Variants in GPHN observed in about 807,000 individuals in gnomAD.
GPHN encodes the protein gephyrin.
Under a neutral mutation model 95.5 loss-of-function variants are expected in GPHN, and 17 were observed. That is an observed-to-expected ratio of 0.18 (90% CI 0.12 to 0.27). GPHN has a LOEUF of 0.27. Ranked by LOEUF, GPHN falls within the 10% of genes least tolerant of loss-of-function variation. The pLI, the probability that GPHN is intolerant of heterozygous loss-of-function variation, is 1.00. For missense variants in GPHN, 660 were observed against 978.1 expected (o/e 0.67, Z 4.34); for synonymous variants, 320 against 322.5 (o/e 0.99, Z 0.08).
intron 1 of GPHN, among the ~76,000 whole-genome samples, chr14:66,536,349 GTGAATTACA>G (rs758495646): frequency 7.2e-5 from 11 of 152,110 alleles, no homozygotes; most frequent in Non-Finnish European, 1.3e-4. Flanking sequence ...CTGTGATGTG[GTGAATTACA>G]TTGATTGATT....
At chr14:67,167,509 G>C (rs190023780) in intron 20 of GPHN, among the ~76,000 whole-genome samples, 1 of 152,144 alleles carries the variant, frequency 6.6e-6, no homozygotes, top group South Asian at 2.1e-4. Flanking sequence ...AGTATCACTT[G>C]TCACTTTTTG....
chr14:67,227,114 A>G, the GPHN span, among the ~76,000 whole-genome samples: 3 of 152,358 alleles, frequency 2.0e-5, no homozygotes, highest in African/African-American at 4.8e-5. Flanking sequence ...ACAAAAAATT[A>G]TACCATACTT....
At chr14:66,680,339 C>T (rs1307713330) in intron 1 of GPHN, among the ~76,000 whole-genome samples, 10 of 152,286 alleles carry the variant, frequency 6.6e-5, no homozygotes, top group Admixed American at 2.0e-4. Context: ...AAATTTTATC[C>T]TCACAGTGGT....
intron 4 of GPHN, among the ~76,000 whole-genome samples, chr14:66,868,892 G>GA (rs1444392306): frequency 3.4e-5 from 5 of 148,878 alleles, no homozygotes; most frequent in Admixed American, 6.7e-5. Context: ...AAAGTATCAA[G>GA]AAAAAAAAAG....
At chr14:66,577,527 GT>G (rs2060956774) in intron 1 of GPHN, among the ~76,000 whole-genome samples, 1 of 152,090 alleles carries the variant, frequency 6.6e-6, no homozygotes, top group Non-Finnish European at 1.5e-5. Flanking sequence ...CCTTCTTCAA[GT>G]AACTGAAGAC....
intron 2 of GPHN, among the ~76,000 whole-genome samples, chr14:66,764,440 GT>G (rs1027926305): frequency 1.2e-4 from 18 of 147,240 alleles, no homozygotes; most frequent in South Asian, 2.2e-4. Flanking sequence ...TATATGGTAG[GT>G]TTTTTTTTTT....
chr14:67,700,118 G>T, the GPHN span, among the ~76,000 whole-genome samples: 1 of 151,008 alleles, frequency 6.6e-6, no homozygotes, highest in Admixed American at 6.6e-5. Context: ...GCAGCCTGGA[G>T]ACAGAGCGAG....
chr14:66,589,582 G>A (rs2061556388), intron 1 of GPHN, among the ~76,000 whole-genome samples: 1 of 150,998 alleles, frequency 6.6e-6, no homozygotes, highest in South Asian at 2.1e-4. Context: ...TTACAAAGAA[G>A]GGCTTTACCA....
intron 9 of GPHN, among the ~76,000 whole-genome samples, chr14:66,984,517 C>T (rs1405936163): frequency 6.6e-6 from 1 of 152,178 alleles, no homozygotes; most frequent in Non-Finnish European, 1.5e-5. Context: ...TAGCAATATG[C>T]TTTTATTCAA....
At chr14:67,436,259 G>A in the GPHN span, among the ~76,000 whole-genome samples, 61 of 152,332 alleles carry the variant, frequency 4.0e-4, 1 homozygote, top group Middle Eastern at 3.4e-3. Flanking sequence ...GCCAGTAGGC[G>A]CCTGTGTGGG....
intron 19 of GPHN, among the ~76,000 whole-genome samples, chr14:67,164,152 C>T (rs1161686112): frequency 6.6e-6 from 1 of 151,070 alleles, no homozygotes; most frequent in Non-Finnish European, 1.5e-5. Context: ...CCTGTAATCC[C>T]AGCTACTCGG....
chr14:67,387,698 G>T, the GPHN span, among the ~76,000 whole-genome samples: 7 of 152,170 alleles, frequency 4.6e-5, no homozygotes, highest in African/African-American at 1.7e-4. Context: ...AAGCCCTCTT[G>T]CCTGCTCCCT....
chr14:66,539,406 TTTC>T (rs1329012810), intron 1 of GPHN, among the ~76,000 whole-genome samples: 65 of 133,008 alleles, frequency 4.9e-4, no homozygotes, highest in Admixed American at 1.9e-3. Context: ...TGCTTTCTAC[TTTC>T]TTTTTTTTTT....
chr14:67,597,237 G>T, the GPHN span, among the ~76,000 whole-genome samples: 2 of 152,236 alleles, frequency 1.3e-5, no homozygotes, highest in Admixed American at 6.5e-5. Flanking sequence ...CAACACTTTG[G>T]GAGGCCAACA....
chr14:66,991,042 A>G (rs192695174), intron 9 of GPHN, among the ~76,000 whole-genome samples: 10 of 152,164 alleles, frequency 6.6e-5, no homozygotes, highest in Admixed American at 5.2e-4. Flanking sequence ...TCAACAATAT[A>G]AAATAGAATA....
intron 13 of GPHN, among the ~76,000 whole-genome samples, chr14:67,108,026 A>G (rs2078146515): frequency 1.3e-5 from 2 of 152,302 alleles, no homozygotes; most frequent in African/African-American, 4.8e-5. Context: ...ATATGTCTGG[A>G]AAAAGGATGA....
the GPHN span, chr14:67,320,417 C>G: frequency 6.4e-7 from 1 of 1,570,766 alleles, no homozygotes. Flanking sequence ...AATGCATTCC[C>G]ATTTTCCTGT....
At chr14:67,648,823 A>G in the GPHN span, 1 of 152,246 alleles carries the variant, frequency 6.6e-6, no homozygotes. Flanking sequence ...AGCTACTTCA[A>G]ATGACCTTTC....
At chr14:67,184,513 A>C (rs2083359038), downstream of GPHN, among the ~76,000 whole-genome samples, 1 of 152,192 alleles carries the variant, frequency 6.6e-6, no homozygotes, top group African/African-American at 2.4e-5. Context: ...AAAGAATGGA[A>C]AGAATTTTAT....
Sources: gnomAD v4.1 joint callset for allele counts (sites outside exome capture counted in the v4.1 genomes callset) on GRCh38, gnomAD v4.1.1 for gene constraint, MANE v1.5 for transcripts, NCBI Gene and HGNC (gene_info 2026-07-23, HGNC 2026-07-21) for gene names.